The following ABLIM1 variants were observed in gnomAD, a reference collection of about 807,000 sequenced individuals.
The protein encoded by ABLIM1 is actin-binding LIM protein 1.
ABLIM1 carries 40 observed loss-of-function variants against 107.0 expected under a neutral mutation model. That is an observed-to-expected ratio of 0.37 (90% CI 0.29 to 0.49). ABLIM1 has a LOEUF of 0.49. ABLIM1 is among the 20% of genes least tolerant of loss of function. The probability of loss-of-function intolerance (pLI) is 0.97; values close to 1 mark genes in which losing one functional copy is unlikely to be tolerated. For synonymous variants in ABLIM1, 357 were observed against 357.3 expected, an observed-to-expected ratio of 1.00 and a Z score of 0.01; for missense variants, 857 against 1,008.5, an observed-to-expected ratio of 0.85 and a Z score of 2.04.
chr10:114,771,099 G>A (rs2083018954), upstream of ABLIM1, among the ~76,000 whole-genome samples: 1 of 151,576 alleles, frequency 6.6e-6, no homozygotes, highest in Admixed American at 6.6e-5. Flanking sequence ...CCACAGTGCT[G>A]GGATTACAGG....
chr10:114,540,932 A>G (rs955100064), intron 6 of ABLIM1, among the ~76,000 whole-genome samples: 8 of 152,210 alleles, frequency 5.3e-5, no homozygotes, highest in Admixed American at 5.2e-4. Flanking sequence ...ATTTGGGAGA[A>G]GAGTCTTTGC....
chr10:114,453,675 G>A (rs1179056047), intron 12 of ABLIM1, among the ~76,000 whole-genome samples, 192 bp from the exon 13 acceptor site: 1 of 152,218 alleles, frequency 6.6e-6, no homozygotes, highest in Non-Finnish European at 1.5e-5. Flanking sequence ...CCGTTGCAGA[G>A]ATTTGAACTC....
chr10:114,730,252 G>T, intron 1 of ABLIM1, among the ~76,000 whole-genome samples: 1 of 151,988 alleles, frequency 6.6e-6, no homozygotes, highest in South Asian at 2.1e-4. Flanking sequence ...ACAAAAATTA[G>T]CCAGGTGTGG....
rs373735386 is a variant in ABLIM1 at position 114,451,614 on chromosome 10, C to A, written c.1594+10G>T. ...TATTTAAAAGCTACGCGGAGGAAAGCGGGTTTTACCATGCTGTTTGTAGAT... is the reference window on the plus strand; with the variant it reads ...TATTTAAAAGCTACGCGGAGGAAAGAGGGTTTTACCATGCTGTTTGTAGAT... On this transcript the variant is annotated intron_variant, in intron 14 of 22. Coordinates refer to ENST00000533213, the MANE Select transcript of ABLIM1 (RefSeq NM_002313.7). 2 of 1,610,784 alleles carry A rather than the reference C, an allele frequency of 1.2e-6. No individual in the cohort carries two copies. The highest frequency in any genetic ancestry group is 2.2e-5 in the East Asian group (1 of 44,866).
At chr10:114,448,592 C>T (rs2061396207) in intron 14 of ABLIM1, among the ~76,000 whole-genome samples, 1 of 139,314 alleles carries the variant, frequency 7.2e-6, no homozygotes, top group South Asian at 2.1e-4. Flanking sequence ...ATATGTTGGT[C>T]CAGATCATTC....
chr10:114,472,507 C>G (rs1050247959), intron 10 of ABLIM1, among the ~76,000 whole-genome samples: 1 of 152,186 alleles, frequency 6.6e-6, no homozygotes, highest in East Asian at 1.9e-4. Context: ...CACTCCTGTG[C>G]TAGACTGTTG....
At chr10:114,456,145 A>G (rs1320591326) in intron 12 of ABLIM1, among the ~76,000 whole-genome samples, 2 of 152,308 alleles carry the variant, frequency 1.3e-5, no homozygotes, top group African/African-American at 4.8e-5. Context: ...AACAACATAT[A>G]GCAGGTCCTT....
At chr10:114,698,817 C>A (rs1317346029) in intron 1 of ABLIM1, among the ~76,000 whole-genome samples, 1 of 151,780 alleles carries the variant, frequency 6.6e-6, no homozygotes, top group East Asian at 1.9e-4. Flanking sequence ...TCTTATGCAC[C>A]CTTACTGAAA....
chr10:114,733,251 C>T (rs1034311694), intron 1 of ABLIM1, among the ~76,000 whole-genome samples: 1 of 152,104 alleles, frequency 6.6e-6, no homozygotes, highest in African/African-American at 2.4e-5. Flanking sequence ...GGTGGAAGAA[C>T]AGAGGGAACA....
intron 1 of ABLIM1, among the ~76,000 whole-genome samples, chr10:114,673,774 T>C (rs1330367816): frequency 6.6e-6 from 1 of 152,254 alleles, no homozygotes; most frequent in African/African-American, 2.4e-5. Context: ...ACCATATTTA[T>C]TATATGACCA....
At position 114,547,721 on chromosome 10, in the gene ABLIM1, A is replaced by T. The variant is rs1428827374; in HGVS notation, c.729T>A (p.Asp243Glu). The T allele has an allele frequency of 6.2e-7, 1 of 1,613,404 alleles. No individual in the cohort carries two copies. The highest frequency in any genetic ancestry group is 8.5e-7 in the Non-Finnish European group (1 of 1,180,034). The part of the protein sequence containing the change: ...IKNGQALLAL[D>E]KQWHLGCFKC... ...TAAAGCACCCCAAGTGCCACTGCTT[A>T]TCCAGCGCCAGCAGCGCCTGCCCAT... Residue 243 changes from aspartate to glutamate, a missense_variant, in exon 5 of 23, where the codon GAT (aspartate) becomes GAA (glutamate). Physicochemically the swap from Asp to Glu is conservative, Grantham distance 45. Around this residue, in one of 5 missense-constraint regions of ABLIM1, gnomAD observed 381 missense variants for 506.9 expected, o/e 0.75. Coordinates refer to ENST00000533213, the MANE Select transcript of ABLIM1 (RefSeq NM_002313.7).
chr10:114,506,027 C>T (rs79972790), intron 6 of ABLIM1, among the ~76,000 whole-genome samples: 13,298 of 152,192 alleles, frequency 0.087, 592 homozygotes, highest in Non-Finnish European at 0.097. Context: ...CACCATCTCC[C>T]CTCCAGTAGT....
intron 1 of ABLIM1, among the ~76,000 whole-genome samples, chr10:114,715,152 G>C (rs2081634649): frequency 6.6e-6 from 1 of 152,172 alleles, no homozygotes; most frequent in Admixed American, 6.5e-5. Flanking sequence ...TGTAAGTACA[G>C]AGTTTCTTCT....
the ABLIM1 span, among the ~76,000 whole-genome samples, chr10:114,788,415 A>G: frequency 6.9e-6 from 1 of 145,620 alleles, no homozygotes; most frequent in South Asian, 2.1e-4. Flanking sequence ...GTCAACTCCA[A>G]AAAAAAAAAA....
chr10:114,516,967 T>C (rs377608593), intron 6 of ABLIM1, among the ~76,000 whole-genome samples: 1 of 152,196 alleles, frequency 6.6e-6, no homozygotes, highest in African/African-American at 2.4e-5. Flanking sequence ...GATTAACTAA[T>C]AGTAGATGCC....
At chr10:114,789,947 C>T in the ABLIM1 span, among the ~76,000 whole-genome samples, 1 of 152,158 alleles carries the variant, frequency 6.6e-6, no homozygotes, top group Non-Finnish European at 1.5e-5. Context: ...TGCATGCCAC[C>T]ACGCCCAGCT....
At chr10:114,490,734 CATATAT>C (rs10603115) in intron 7 of ABLIM1, among the ~76,000 whole-genome samples, 7 of 148,286 alleles carry the variant, frequency 4.7e-5, no homozygotes, top group African/African-American at 1.7e-4. Context: ...AAAAACTGAT[CATATAT>C]ATATATATAT....
chr10:114,520,229 G>C (rs954879547), intron 6 of ABLIM1, among the ~76,000 whole-genome samples: 4 of 152,200 alleles, frequency 2.6e-5, no homozygotes, highest in Non-Finnish European at 5.9e-5. Context: ...CCAGCTTACA[G>C]CATTACATTT....
At chr10:114,501,124 G>A (rs909192522) in intron 6 of ABLIM1, among the ~76,000 whole-genome samples, 1 of 152,214 alleles carries the variant, frequency 6.6e-6, no homozygotes, top group Non-Finnish European at 1.5e-5. Context: ...GTATTTGCTT[G>A]TTTCCAGACA....
Sources: allele counts gnomAD v4.1 joint callset (sites outside exome capture counted in the v4.1 genomes callset), GRCh38; gene constraint gnomAD v4.1.1; regional missense constraint gnomAD v4.1.1; transcripts MANE v1.5; gene names NCBI Gene and HGNC (gene_info 2026-07-23, HGNC 2026-07-21).